Variants in FBN1 observed in about 807,000 individuals in gnomAD.
FBN1 encodes fibrillin-1.
In FBN1, 29 loss-of-function variants were observed where a neutral mutation model predicts 365.1. The ratio of observed to expected loss-of-function variants is 0.08; its 90% CI spans 0.06 to 0.11. FBN1 has a LOEUF of 0.11. Among genes scored for constraint, FBN1 ranks in the 10% least tolerant of loss-of-function variants. The probability of loss-of-function intolerance (pLI) is 1.00; values close to 1 mark genes in which losing one functional copy is unlikely to be tolerated. For synonymous variants in FBN1, 1,210 were observed against 1,270.5 expected (o/e 0.95, Z 1.01); for missense variants, 2,476 against 3,703.2 (o/e 0.67, Z 8.60).
intron 7 of FBN1, among the ~76,000 whole-genome samples, chr15:48,535,539 G>A (rs2044006495): frequency 6.6e-6 from 1 of 152,106 alleles, no homozygotes; most frequent in Non-Finnish European, 1.5e-5. Flanking sequence ...ATTTAATAAA[G>A]AATCCCCAAG....
intron 4 of FBN1, among the ~76,000 whole-genome samples, chr15:48,606,767 T>C (rs1434123980): frequency 6.6e-6 from 1 of 152,212 alleles, no homozygotes; most frequent in Admixed American, 6.5e-5. Flanking sequence ...TTCTGATTTC[T>C]TACAACTGCC....
At chr15:48,581,081 T>C (rs934046584) in intron 6 of FBN1, among the ~76,000 whole-genome samples, 1 of 152,112 alleles carries the variant, frequency 6.6e-6, no homozygotes, top group East Asian at 1.9e-4. Context: ...CCATGTCCTA[T>C]TGCAAAAAGT....
At chr15:48,480,401 G>A (rs1208213480) in intron 32 of FBN1, among the ~76,000 whole-genome samples, 1 of 152,130 alleles carries the variant, frequency 6.6e-6, no homozygotes, top group Non-Finnish European at 1.5e-5. Flanking sequence ...ACAAAGCTAG[G>A]CACCATTTGT....
intron 6 of FBN1, among the ~76,000 whole-genome samples, chr15:48,572,903 A>AT (rs1566929739): frequency 6.6e-6 from 1 of 152,162 alleles, no homozygotes; most frequent in Non-Finnish European, 1.5e-5. Context: ...TTGCATTTAA[A>AT]TTTTTTTAAA....
chr15:48,513,699 T>A, intron 12 of FBN1, 31 bp from the exon 13 acceptor site: 1 of 1,613,230 alleles, frequency 6.2e-7, no homozygotes, highest in East Asian at 2.2e-5. Context: ...TAGTGCAAAA[T>A]TACATAGCAA....
intron 13 of FBN1, among the ~76,000 whole-genome samples, chr15:48,513,291 T>G (rs1597579730): frequency 6.6e-6 from 1 of 152,164 alleles, no homozygotes; most frequent in Non-Finnish European, 1.5e-5. Flanking sequence ...TAAGAGGCAA[T>G]AATAGTGACG....
chr15:48,563,860 A>T (rs1344369045), intron 6 of FBN1, among the ~76,000 whole-genome samples: 4 of 152,204 alleles, frequency 2.6e-5, no homozygotes, highest in African/African-American at 9.6e-5. Context: ...GAACAATTTT[A>T]AAAATGCAGA....
intron 32 of FBN1, 52 bp downstream of exon 32, chr15:48,481,603 T>C (rs2043465411): frequency 5.1e-6 from 8 of 1,576,466 alleles, no homozygotes; most frequent in African/African-American, 1.3e-5. Context: ...ATAATTATGA[T>C]ACCAATCTCT....
chr15:48,588,132 T>C (rs1331124046), intron 6 of FBN1, among the ~76,000 whole-genome samples: 1 of 152,202 alleles, frequency 6.6e-6, no homozygotes, highest in Non-Finnish European at 1.5e-5. Flanking sequence ...CACATGTGGA[T>C]ATTAGCTGGT....
chr15:48,575,538 A>G (rs1597613545), intron 6 of FBN1, among the ~76,000 whole-genome samples: 1 of 151,884 alleles, frequency 6.6e-6, no homozygotes, highest in South Asian at 2.1e-4. Flanking sequence ...CCATCATTCC[A>G]CTCTCTCTGT....
intron 2 of FBN1, among the ~76,000 whole-genome samples, chr15:48,616,568 T>C (rs1889658155): frequency 6.6e-6 from 1 of 152,226 alleles, no homozygotes; most frequent in South Asian, 2.1e-4. Context: ...GCTGGATTAT[T>C]TCCATAATAA....
At chr15:48,639,121 A>G (rs1890152939) in intron 2 of FBN1, among the ~76,000 whole-genome samples, 1 of 152,220 alleles carries the variant, frequency 6.6e-6, no homozygotes, top group Non-Finnish European at 1.5e-5. Flanking sequence ...AATTTTACCA[A>G]TGTCTTGGGC....
At chr15:48,624,474 A>C (rs76945352) in intron 2 of FBN1, among the ~76,000 whole-genome samples, 1,575 of 152,378 alleles carry the variant, frequency 0.01, 17 homozygotes, top group African/African-American at 0.031. Flanking sequence ...AGTTGCTCCC[A>C]TACATGGGAA....
chr15:48,645,117 G>A (rs899206655), intron 1 of FBN1, among the ~76,000 whole-genome samples, 167 bp from the exon 2 acceptor site: 4 of 152,252 alleles, frequency 2.6e-5, no homozygotes, highest in Non-Finnish European at 5.9e-5. Flanking sequence ...GAAAGCCCAG[G>A]CCCCCGGCGG....
chr15:48,517,341 A>T (rs899405594), intron 10 of FBN1, among the ~76,000 whole-genome samples: 1 of 152,170 alleles, frequency 6.6e-6, no homozygotes, highest in Admixed American at 6.5e-5. Context: ...AAGAGAAGGG[A>T]GTGCAAAGAC....
At chr15:48,565,849 G>C (rs1204715962) in intron 6 of FBN1, among the ~76,000 whole-genome samples, 2 of 152,180 alleles carry the variant, frequency 1.3e-5, no homozygotes, top group Non-Finnish European at 2.9e-5. Flanking sequence ...CCTGGGGCAA[G>C]AGTCTGTTCT....
At chr15:48,553,088 G>T (rs909073140) in intron 6 of FBN1, among the ~76,000 whole-genome samples, 9 of 152,058 alleles carry the variant, frequency 5.9e-5, no homozygotes, top group Admixed American at 1.3e-4. Context: ...TAAGATTACT[G>T]CCAGTTCTCA....
In FBN1 at chr15:48,515,427, G is replaced by A; in HGVS notation, c.1428C>T (p.Cys476=). 6.2e-7 allele frequency: 1 copy of A among 1,614,010 alleles called. No homozygotes were observed. Among genetic ancestry groups the A allele is most frequent in the Non-Finnish European group, 8.5e-7 (1 of 1,179,916 alleles). ...GGAGGTCCAGCTGGAACCCTTTGTT[G>A]CACTCACACCGGTAACTCCCAGGAG... is the stretch of plus-strand genomic sequence containing the variant. ...IPTPGSYRCE[C]NKGFQLDLRG... is the part of the protein sequence containing the mutation. Residue 476 remains cysteine (C), a synonymous_variant, in exon 12 of 66, where the codon TGC becomes TGT. Transcript: ENST00000316623.
At chr15:48,473,913 T>C (rs930134531) in intron 34 of FBN1, among the ~76,000 whole-genome samples, 3 of 152,162 alleles carry the variant, frequency 2.0e-5, no homozygotes, top group East Asian at 1.9e-4. Flanking sequence ...TATATGCCAA[T>C]TGTAACTATT....
Sources: allele counts gnomAD v4.1 joint callset (sites outside exome capture counted in the v4.1 genomes callset), GRCh38; gene constraint gnomAD v4.1.1; transcripts MANE v1.5; gene names NCBI Gene and HGNC (gene_info 2026-07-23, HGNC 2026-07-21).